The following DIS3L variants were observed in gnomAD, a reference collection of about 807,000 sequenced individuals.
DIS3L encodes the protein DIS3-like exonuclease 1.
A neutral mutation model predicts 120.3 loss-of-function variants in DIS3L; 100 were observed. The ratio of observed to expected loss-of-function variants is 0.83; its 90% CI spans 0.71 to 0.98. DIS3L has a LOEUF of 0.98. Among genes scored for constraint, DIS3L ranks in the 50% least tolerant of loss-of-function variants. DIS3L has a pLI of 0.00. For missense variants in DIS3L, 1,196 were observed against 1,314.2 expected (o/e 0.91, Z 1.39); for synonymous variants, 426 against 470.6 (o/e 0.91, Z 1.23).
chr15:66,297,144 TTGTC>T (rs1301293740), intron 2 of DIS3L, among the ~76,000 whole-genome samples: 6 of 152,316 alleles, frequency 3.9e-5, no homozygotes, highest in East Asian at 1.9e-4. Context: ...ATGACCCAAA[TTGTC>T]TGAGCACTAG....
intron 3 of DIS3L, 118 bp from the exon 4 acceptor site, chr15:66,308,591 G>A (rs897946370): frequency 3.8e-5 from 50 of 1,309,360 alleles, no homozygotes; most frequent in Non-Finnish European, 4.9e-5. Context: ...AGTATTTGTT[G>A]AACGAATGAA....
At position 66,320,722 on chromosome 15, in the gene DIS3L, C is replaced by T; in HGVS notation, c.1316C>T (p.Ser439Leu). ...VENSISVIPFSEAQMCEMPVN... is the reference protein window; with the variant it reads ...VENSISVIPFLEAQMCEMPVN... ...AACAGTATTTCAGTTATTCCTTTCT[C>T]AGAAGCTCAGGTCAGATTTTCCAGA... Residue 439 changes from serine to leucine, a missense_variant, in exon 9 of 17, where the codon TCA becomes TTA. Physicochemically the swap from Ser to Leu is moderately radical, Grantham distance 145. Coordinates refer to ENST00000319212, the MANE Select transcript of DIS3L (RefSeq NM_001143688.3). 6.2e-7 allele frequency: 1 copy of T among 1,613,100 alleles called. No homozygotes were observed. The highest frequency in any genetic ancestry group is 8.5e-7 in the Non-Finnish European group (1 of 1,179,720).
At chr15:66,305,565 C>A (rs1467341364) in intron 2 of DIS3L, among the ~76,000 whole-genome samples, 1 of 151,966 alleles carries the variant, frequency 6.6e-6, no homozygotes, top group Non-Finnish European at 1.5e-5. Flanking sequence ...CATTCTGTTC[C>A]TCAGGCTGGA....
At chr15:66,304,279 C>T (rs554226262) in intron 2 of DIS3L, among the ~76,000 whole-genome samples, 45 of 151,546 alleles carry the variant, frequency 3.0e-4, no homozygotes, top group South Asian at 1.3e-3. Context: ...GACAAGACCC[C>T]GTCTCTACAA....
intron 11 of DIS3L, among the ~76,000 whole-genome samples, chr15:66,324,801 A>G (rs1162769479): frequency 1.5e-4 from 23 of 152,128 alleles, no homozygotes; most frequent in Non-Finnish European, 3.4e-4. Flanking sequence ...TCTGTTAACT[A>G]TATTCTTCGC....
At chr15:66,326,427 G>A in intron 12 of DIS3L, 63 bp downstream of exon 12, 2 of 1,514,024 alleles carry the variant, frequency 1.3e-6, no homozygotes, top group Non-Finnish European at 8.9e-7. Flanking sequence ...TTATCTTACA[G>A]TTGTTCTTAA....
rs763364208 is a variant in DIS3L at position 66,333,216 on chromosome 15, A to C, written c.3069A>C (p.Gln1023His). ...TAAACATCATTCAGGAGGAATATCA[A>C]GAATATCGCCAAACAAAGGGAAGGA... is the stretch of plus-strand genomic sequence containing the variant. ...VKVNIIQEEY[Q>H]EYRQTKGRSL... The change falls in exon 17 of 17, where the codon CAA (glutamine) becomes CAC (histidine). Residue 1023 changes from glutamine to histidine, a missense_variant. Transcript: ENST00000319212. 1.1e-5 allele frequency: 17 copies of C among 1,614,046 alleles called. No individual in the cohort carries two copies. In the Admixed American group the frequency reaches 2.3e-4, roughly 22 times the overall value.
At chr15:66,307,627 A>G (rs1374437672) in intron 3 of DIS3L, among the ~76,000 whole-genome samples, 1 of 152,168 alleles carries the variant, frequency 6.6e-6, no homozygotes, top group Non-Finnish European at 1.5e-5. Flanking sequence ...GTCTTATTAA[A>G]CTGAAACTGG....
intron 15 of DIS3L, 145 bp downstream of exon 15, chr15:66,332,165 T>C: frequency 1.1e-6 from 1 of 904,216 alleles, no homozygotes; most frequent in Non-Finnish European, 1.5e-6. Flanking sequence ...AGTATATAAA[T>C]GTGAAGATTG....
rs2092941473 is a variant in DIS3L, at chr15:66,326,624, G to GT, written c.2201+260_2201+261insT. ...AGATAGAGTCTTGCTCTGTCACCCA[G>GT]GTTGGAGTACAGTGGTATGATCTCG... On this transcript the variant is annotated intron_variant, in intron 12 of 16. Transcript: ENST00000319212. 2.8e-4 allele frequency: 106 copies of GT among 385,328 alleles called. 1 individual carries two copies. In the East Asian group the frequency reaches 5.9e-3, roughly 21 times the overall value. 23.9% of individuals were successfully genotyped at this position (385,328 alleles called of 1,614,324 possible).
chr15:66,330,020 C>T (rs533261423), intron 14 of DIS3L: 7 of 985,024 alleles, frequency 7.1e-6, no homozygotes, highest in East Asian at 1.1e-4. Flanking sequence ...ATAAAAATAT[C>T]GGCCAGATGC....
chr15:66,315,391 A>G (rs1433502195), intron 7 of DIS3L, among the ~76,000 whole-genome samples, 176 bp downstream of exon 7: 8 of 152,200 alleles, frequency 5.3e-5, no homozygotes, highest in African/African-American at 1.7e-4. Flanking sequence ...TGTGTATAAT[A>G]TAATATGATG....
At chr15:66,298,613 T>G (rs1406183377) in intron 2 of DIS3L, among the ~76,000 whole-genome samples, 2 of 152,218 alleles carry the variant, frequency 1.3e-5, no homozygotes, top group Non-Finnish European at 2.9e-5. Flanking sequence ...TTCAATAATA[T>G]CAATGCAGAG....
Position 66,323,549 on chromosome 15 carries a change from G to C in DIS3L, c.1631G>C (p.Ser544Thr). ...RRYDMLPSVL[S>T]ADLCSLLGGV... Reference sequence around the variant, plus strand: ...TATGACATGCTGCCTTCCGTCCTCAGTGCAGATTTGTGTTCCCTTCTGGGA... The same window carrying C: ...TATGACATGCTGCCTTCCGTCCTCACTGCAGATTTGTGTTCCCTTCTGGGA... The change falls in exon 11 of 17, where the codon AGT becomes ACT. Residue 544 changes from serine to threonine, a missense_variant. Physicochemically the swap from Ser to Thr is moderately conservative, Grantham distance 58 (BLOSUM62 1). Coordinates refer to ENST00000319212, the MANE Select transcript of DIS3L (RefSeq NM_001143688.3). 1 of 1,614,256 alleles carries C rather than the reference G, an allele frequency of 6.2e-7. No individual in the cohort carries two copies. The highest frequency in any genetic ancestry group is 1.1e-5 in the South Asian group (1 of 91,088).
At chr15:66,294,225 G>A in intron 1 of DIS3L, 2 of 985,498 alleles carry the variant, frequency 2.0e-6, no homozygotes, top group Non-Finnish European at 2.4e-6. Context: ...CCAGTGGAGA[G>A]CCACTTCACC....
At chr15:66,315,532 A>G (rs1387679069) in intron 7 of DIS3L, among the ~76,000 whole-genome samples, 3 of 152,252 alleles carry the variant, frequency 2.0e-5, no homozygotes, top group East Asian at 1.9e-4. Context: ...GTTATTAACT[A>G]TAGTCACAGG....
In DIS3L at chr15:66,301,532, C is replaced by T. The variant is rs146348444; in HGVS notation, c.294-5292C>T. On this transcript the variant is annotated intron_variant, in intron 2 of 16. Coordinates refer to ENST00000319212, the MANE Select transcript of DIS3L (RefSeq NM_001143688.3). ...CTGACCTCAAGTGATCCTCCCGCCT[C>T]GGTCTCCCAAAGTGCTAGGATTACA... is the stretch of plus-strand genomic sequence containing the variant. Among the ~76,000 whole-genome samples the T allele has an allele frequency of 1.6e-3, 251 of 152,198 alleles. 8 individuals are homozygous for T. The East Asian group carries it at 0.044, about 27-fold the overall frequency.
intron 2 of DIS3L, among the ~76,000 whole-genome samples, chr15:66,302,616 G>T (rs896004298): frequency 6.6e-6 from 1 of 152,088 alleles, no homozygotes; most frequent in Non-Finnish European, 1.5e-5. Flanking sequence ...CTGCTGTCTC[G>T]CACATTCCGC....
chr15:66,293,800 G>C, intron 1 of DIS3L, 65 bp downstream of exon 1: 1 of 1,098,886 alleles, frequency 9.1e-7, no homozygotes, highest in Non-Finnish European at 1.1e-6. Flanking sequence ...GAGGGGCTGA[G>C]CGCGGCCGGG....
Sources: gnomAD v4.1 joint callset for allele counts (sites outside exome capture counted in the v4.1 genomes callset) on GRCh38, gnomAD v4.1.1 for gene constraint, MANE v1.5 for transcripts, NCBI Gene and HGNC (gene_info 2026-07-23, HGNC 2026-07-21) for gene names.